TTC28: variants seen among roughly 807,000 people sequenced by gnomAD.
The protein encoded by TTC28 is tetratricopeptide repeat protein 28.
In TTC28, 61 loss-of-function variants were observed where a neutral mutation model predicts 198.0. That is an observed-to-expected ratio of 0.31 (90% CI 0.25 to 0.38). The LOEUF is 0.38. TTC28 is among the 10% of genes least tolerant of loss of function. The pLI is 1.00. For missense variants in TTC28, 2,678 were observed against 3,164.0 expected (o/e 0.85, Z 3.69); for synonymous variants, 1,171 against 1,297.8 (o/e 0.90, Z 2.10).
intron 1 of TTC28, among the ~76,000 whole-genome samples, chr22:28,677,853 G>A (rs561376040): frequency 1.3e-5 from 2 of 151,978 alleles, no homozygotes; most frequent in African/African-American, 4.8e-5. Flanking sequence ...CAGGGGAATC[G>A]CTTGAATTCG....
intron 5 of TTC28, among the ~76,000 whole-genome samples, chr22:28,213,816 T>C (rs935791945): frequency 6.6e-6 from 1 of 152,030 alleles, no homozygotes; most frequent in Admixed American, 6.6e-5. Context: ...GAGCCCGCAT[T>C]GCCAAGTCAA....
Position 28,629,583 on chromosome 22 carries a change from T to C in TTC28, c.350A>G (p.Lys117Arg), listed in dbSNP as rs1280988237. The change falls in exon 2 of 23, where the codon AAA becomes AGA. Residue 117 changes from lysine to arginine, a missense_variant. By Grantham distance (26) the Lys-to-Arg change is conservative (BLOSUM62 2). This residue lies in a region of TTC28 where 176 missense variants were observed against 197.9 expected (regional missense o/e 0.89). Coordinates refer to ENST00000397906, the MANE Select transcript of TTC28 (RefSeq NM_001145418.2). ...QYDKALDDAI[K>R]ARLLNPKWPK... ...CCACTTGGGATTGAGAAGTCGAGCT[T>C]TGATTGCATCATCCAGTGCCTTGTC... 3.9e-6 allele frequency: 6 copies of C among 1,551,518 alleles called. No homozygotes were observed. Among genetic ancestry groups the C allele is most frequent in the Admixed American group, 3.9e-5 (2 of 50,982 alleles).
At chr22:28,442,877 G>C (rs2047646947) in intron 2 of TTC28, 1 of 152,396 alleles carries the variant, frequency 6.6e-6, no homozygotes, top group African/African-American at 2.4e-5. Context: ...CCCTCTCCAG[G>C]ACACTTACCT....
In TTC28 at chr22:28,393,363, C is replaced by A. The variant is rs527515945; in HGVS notation, c.382-86720G>T. The stretch of plus-strand genomic sequence containing the variant: ...ATGGGTGTGATTTTTTTTTCCTAGG[C>A]AAGAGGAGCTGGAATAGAACAGAAT... On this transcript the variant is annotated intron_variant, in intron 2 of 22. Transcript: ENST00000397906. 9.9e-5 allele frequency among the ~76,000 whole-genome samples: 15 copies of A among 152,016 alleles called. No homozygotes were observed. In the East Asian group the frequency reaches 2.3e-3, roughly 24 times the overall value.
At position 28,466,820 on chromosome 22, in the gene TTC28, TACAC is replaced by T. The variant is rs58512456; in HGVS notation, c.382-160181_382-160178del. Among the ~76,000 whole-genome samples the T allele has an allele frequency of 3.1e-3, 448 of 143,910 alleles. 4 individuals are homozygous for T. Among genetic ancestry groups the T allele is most frequent in the Middle Eastern group, 7.2e-3 (2 of 276 alleles). The allele number at this position is 143,910 out of a possible 152,430, so 94.4% of individuals were successfully genotyped here. The stretch of plus-strand genomic sequence containing the variant: ...AGTATTCTCACATTATATACATACA[TACAC>T]ACACACACACACACACACACACACA... On this transcript the variant is annotated intron_variant, in intron 2 of 22. Coordinates refer to ENST00000397906, the MANE Select transcript of TTC28 (RefSeq NM_001145418.2).
chr22:28,604,859 C>A (rs974890585), intron 2 of TTC28, among the ~76,000 whole-genome samples: 1 of 152,206 alleles, frequency 6.6e-6, no homozygotes, highest in Non-Finnish European at 1.5e-5. Flanking sequence ...ATATCACCCA[C>A]AAAGCGCCTA....
intron 1 of TTC28, among the ~76,000 whole-genome samples, chr22:28,638,858 G>T (rs1462688034): frequency 6.6e-6 from 1 of 152,118 alleles, no homozygotes; most frequent in East Asian, 1.9e-4. Context: ...AGAAGGGGAG[G>T]TCTCGCTATA....
chr22:28,323,291 C>T (rs2045475248), intron 2 of TTC28, among the ~76,000 whole-genome samples: 1 of 152,130 alleles, frequency 6.6e-6, no homozygotes, highest in African/African-American at 2.4e-5. Context: ...GGGACCAAGC[C>T]TGGAGAGACA....
intron 2 of TTC28, among the ~76,000 whole-genome samples, chr22:28,596,538 A>T (rs2050546535): frequency 6.6e-6 from 1 of 152,228 alleles, no homozygotes; most frequent in Non-Finnish European, 1.5e-5. Flanking sequence ...TCTATTGGTT[A>T]GGAAGCTTTT....
chr22:28,301,958 G>A lies in TTC28; in HGVS notation c.530-4106C>T, dbSNP rs146844099. Among the ~76,000 whole-genome samples the A allele has an allele frequency of 8.9e-3, 1,353 of 152,010 alleles. 9 individuals are homozygous for A. Among genetic ancestry groups the A allele is most frequent in the Non-Finnish European group, 0.015 (1,013 of 67,972 alleles). On this transcript the variant is annotated intron_variant, in intron 3 of 22. Transcript: ENST00000397906. The stretch of plus-strand genomic sequence containing the variant: ...AGGCTGAGGTGGAAGGATCACCTGA[G>A]CCCGGGAAGGTCGAGGCTGCAGTGA...
At chr22:28,366,757 T>C (rs1293496534) in intron 2 of TTC28, among the ~76,000 whole-genome samples, 1 of 151,976 alleles carries the variant, frequency 6.6e-6, no homozygotes, top group Admixed American at 6.6e-5. Flanking sequence ...AGACATTCCA[T>C]GCGAACATAA....
At chr22:28,196,023 C>G (rs1242630169) in intron 5 of TTC28, among the ~76,000 whole-genome samples, 1 of 151,818 alleles carries the variant, frequency 6.6e-6, no homozygotes, top group African/African-American at 2.4e-5. Flanking sequence ...ATCACGCTAC[C>G]TGACTTCAAA....
chr22:28,517,130 G>A (rs866709255), intron 2 of TTC28, among the ~76,000 whole-genome samples: 2 of 152,076 alleles, frequency 1.3e-5, no homozygotes, highest in African/African-American at 4.8e-5. Flanking sequence ...CTCTATATCA[G>A]ACTGATCAAA....
rs183921567 is a variant in TTC28, at chr22:28,636,110, T to C, written c.103-6280A>G. 2.1e-4 allele frequency among the ~76,000 whole-genome samples: 32 copies of C among 151,456 alleles called. 1 individual carries two copies. Among genetic ancestry groups the C allele is most frequent in the African/African-American group, 7.5e-4 (31 of 41,274 alleles). The stretch of plus-strand genomic sequence containing the variant: ...CATGACATCTCTAGGTTCATCCATA[T>C]TGTTGCAAATGTCAGGATTTTTTTT... On this transcript the variant is annotated intron_variant, in intron 1 of 22. Transcript: ENST00000397906.
At chr22:28,616,681 G>A (rs527445348) in intron 2 of TTC28, among the ~76,000 whole-genome samples, 5 of 152,058 alleles carry the variant, frequency 3.3e-5, no homozygotes, top group East Asian at 3.9e-4. Flanking sequence ...GTGAAACCCC[G>A]TCTCTACAAA....
At chr22:28,223,224 A>C (rs1928022128) in intron 5 of TTC28, among the ~76,000 whole-genome samples, 1 of 152,010 alleles carries the variant, frequency 6.6e-6, no homozygotes. Flanking sequence ...ACAAATACTC[A>C]CTGAGAACAT....
At chr22:28,376,542 A>T (rs2046411224) in intron 2 of TTC28, among the ~76,000 whole-genome samples, 1 of 152,166 alleles carries the variant, frequency 6.6e-6, no homozygotes, top group South Asian at 2.1e-4. Flanking sequence ...AAAAATATAT[A>T]AAAAAATAAA....
intron 1 of TTC28, among the ~76,000 whole-genome samples, chr22:28,659,866 A>G (rs1393081883): frequency 6.6e-6 from 1 of 151,250 alleles, no homozygotes; most frequent in Non-Finnish European, 1.5e-5. Context: ...TGGCATGATC[A>G]TGGCTCACTG....
chr22:28,491,400 A>G (rs142409557), intron 2 of TTC28, among the ~76,000 whole-genome samples: 189 of 152,334 alleles, frequency 1.2e-3, no homozygotes, highest in African/African-American at 4.5e-3. Flanking sequence ...AATAAACTCA[A>G]ACAAACTTAC....
Sources: allele counts gnomAD v4.1 joint callset (sites outside exome capture counted in the v4.1 genomes callset), GRCh38; gene constraint gnomAD v4.1.1; regional missense constraint gnomAD v4.1.1; transcripts MANE v1.5; gene names NCBI Gene and HGNC (gene_info 2026-07-23, HGNC 2026-07-21).